Variants in ITPR2 observed in about 807,000 individuals in gnomAD.
The protein encoded by ITPR2 is inositol 1,4,5-trisphosphate receptor type 2.
In ITPR2, 207 loss-of-function variants were observed where a neutral mutation model predicts 317.1. The observed-to-expected ratio is 0.65, with a 90% CI of 0.58 to 0.73. ITPR2 has a LOEUF of 0.73. ITPR2 is among the 30% of genes least tolerant of loss of function. The pLI is 0.00. For synonymous variants in ITPR2, 1,156 were observed against 1,149.1 expected (o/e 1.01, Z -0.12); for missense variants, 2,613 against 3,284.0 (o/e 0.80, Z 4.99).
rs528266895 is a variant in ITPR2, at chr12:26,693,951, G to A, written c.996+1655C>T. 7.9e-5 allele frequency among the ~76,000 whole-genome samples: 12 copies of A among 152,256 alleles called. 1 individual carries two copies. The South Asian group carries it at 2.3e-3, about 29-fold the overall frequency. On this transcript the variant is annotated intron_variant, in intron 10 of 56. Transcript: ENST00000381340. ...ATCTTCATCCCATTACACAGGTGGG[G>A]AAACTGAGTCTCAAGAAAGCTATCT...
chr12:26,596,596 G>A (rs1473523664), intron 31 of ITPR2, among the ~76,000 whole-genome samples: 2 of 140,800 alleles, frequency 1.4e-5, no homozygotes, highest in East Asian at 2.1e-4. Context: ...GCAGTGAGTC[G>A]AAATCTTGCC....
At chr12:26,355,690 C>T (rs1162719293) in intron 55 of ITPR2, among the ~76,000 whole-genome samples, 1 of 152,206 alleles carries the variant, frequency 6.6e-6, no homozygotes, top group African/African-American at 2.4e-5. Flanking sequence ...CTTGAAATTC[C>T]TCTTTGATTC....
intron 55 of ITPR2, among the ~76,000 whole-genome samples, chr12:26,382,876 A>C (rs78492382): frequency 0.012 from 1,765 of 152,298 alleles, 27 homozygotes; most frequent in African/African-American, 0.04. Flanking sequence ...TTCATATTAA[A>C]ATGTCATCAA....
chr12:26,486,976 G>T (rs756736825), intron 40 of ITPR2, 92 bp downstream of exon 40: 1 of 1,281,562 alleles, frequency 7.8e-7, no homozygotes, highest in South Asian at 1.2e-5. Context: ...ATTAAACCAA[G>T]AGAAGAGAGA....
At chr12:26,484,982 T>C (rs1942633464) in intron 41 of ITPR2, among the ~76,000 whole-genome samples, 1 of 152,016 alleles carries the variant, frequency 6.6e-6, no homozygotes, top group Admixed American at 6.5e-5. Flanking sequence ...CCCAAAGTGC[T>C]GGGATTACAG....
At chr12:26,552,875 C>A (rs1326455785) in intron 36 of ITPR2, among the ~76,000 whole-genome samples, 1 of 152,108 alleles carries the variant, frequency 6.6e-6, no homozygotes, top group Non-Finnish European at 1.5e-5. Flanking sequence ...CTTAGATAAA[C>A]CATATTGAAA....
At chr12:26,594,193 G>A (rs1392066347) in intron 32 of ITPR2, among the ~76,000 whole-genome samples, 1 of 152,034 alleles carries the variant, frequency 6.6e-6, no homozygotes, top group Non-Finnish European at 1.5e-5. Flanking sequence ...GGCAATAAGT[G>A]GCTTTTAGCT....
intron 55 of ITPR2, among the ~76,000 whole-genome samples, chr12:26,350,472 TC>T (rs1418456245): frequency 2.0e-5 from 3 of 152,128 alleles, no homozygotes; most frequent in Non-Finnish European, 4.4e-5. Flanking sequence ...AGATGGTGGC[TC>T]TTAATTGCTT....
In ITPR2 at chr12:26,695,606, C is replaced by G. The variant is rs760400920; in HGVS notation, c.996G>C (p.Val332=). The G allele has an allele frequency of 6.2e-7, 1 of 1,611,884 alleles. No individual in the cohort carries two copies. Among genetic ancestry groups the G allele is most frequent in the South Asian group, 1.1e-5 (1 of 90,982 alleles). ...TTGGAGAAAAGCCAGTTCTACTCACCACATTTTTTCCTTCATTTTGGGCAT... is the reference window on the plus strand; with the variant it reads ...TTGGAGAAAAGCCAGTTCTACTCACGACATTTTTTCCTTCATTTTGGGCAT... ...YRDAQNEGKN[V]RDGVPPTSKK... is the part of the protein sequence containing the mutation. The change falls in exon 10 of 57, where the codon GTG becomes GTC. Residue 332 remains valine, a splice_region_variant and synonymous_variant. Coordinates refer to ENST00000381340, the MANE Select transcript of ITPR2 (RefSeq NM_002223.4).
intron 21 of ITPR2, among the ~76,000 whole-genome samples, chr12:26,639,023 G>C (rs1946922392): frequency 6.6e-6 from 1 of 152,178 alleles, no homozygotes; most frequent in Non-Finnish European, 1.5e-5. Flanking sequence ...AAAGGGTTCA[G>C]AATGAGGCGA....
At chr12:26,392,812 T>A (rs1360521422) in intron 54 of ITPR2, among the ~76,000 whole-genome samples, 1 of 152,198 alleles carries the variant, frequency 6.6e-6, no homozygotes, top group Non-Finnish European at 1.5e-5. Flanking sequence ...AGATACCCTA[T>A]CCTTAGAATA....
intron 10 of ITPR2, among the ~76,000 whole-genome samples, chr12:26,689,388 C>G (rs1240953777): frequency 6.6e-6 from 1 of 151,706 alleles, no homozygotes; most frequent in Non-Finnish European, 1.5e-5. Flanking sequence ...TGCACTCCAG[C>G]CTGGGTGACA....
chr12:26,483,347 A>C (rs942109959), intron 42 of ITPR2, among the ~76,000 whole-genome samples: 5 of 152,224 alleles, frequency 3.3e-5, no homozygotes, highest in Non-Finnish European at 7.3e-5. Flanking sequence ...TAAAAGAAAT[A>C]ACATATACTA....
intron 35 of ITPR2, among the ~76,000 whole-genome samples, 192 bp from the exon 36 acceptor site, chr12:26,556,567 TG>T (rs1212117754): frequency 0.061 from 3,612 of 58,956 alleles, 61 homozygotes; most frequent in African/African-American, 0.075. Flanking sequence ...TTTTTTTTTT[TG>T]TGTGTGTGTG....
At chr12:26,617,532 A>C (rs936972901) in intron 26 of ITPR2, among the ~76,000 whole-genome samples, 1 of 152,144 alleles carries the variant, frequency 6.6e-6, no homozygotes, top group Non-Finnish European at 1.5e-5. Context: ...GGAATATTCT[A>C]TAGCTCATTT....
At chr12:26,567,952 A>AT (rs1945021332) in intron 34 of ITPR2, among the ~76,000 whole-genome samples, 1 of 5,992 alleles carries the variant, frequency 1.7e-4, no homozygotes, top group South Asian at 5.9e-3. Flanking sequence ...TATATATATT[A>AT]TATATATATA....
chr12:26,457,297 T>C (rs1400665301), intron 45 of ITPR2, among the ~76,000 whole-genome samples: 2 of 152,210 alleles, frequency 1.3e-5, no homozygotes, highest in African/African-American at 4.8e-5. Flanking sequence ...AAGTAGGTTC[T>C]TGACTCCAAG....
intron 52 of ITPR2, among the ~76,000 whole-genome samples, chr12:26,402,828 C>T (rs1940221924): frequency 1.3e-5 from 2 of 152,166 alleles, no homozygotes; most frequent in South Asian, 4.1e-4. Flanking sequence ...CTAGTAAATG[C>T]CACCTTGTGG....
intron 11 of ITPR2, among the ~76,000 whole-genome samples, chr12:26,683,050 T>C (rs1030367510): frequency 6.6e-6 from 1 of 152,180 alleles, no homozygotes; most frequent in Non-Finnish European, 1.5e-5. Context: ...AGAACATTGA[T>C]CAAATAGCCA....
Sources: gnomAD v4.1 joint callset for allele counts (sites outside exome capture counted in the v4.1 genomes callset) on GRCh38, gnomAD v4.1.1 for gene constraint, MANE v1.5 for transcripts, NCBI Gene and HGNC (gene_info 2026-07-23, HGNC 2026-07-21) for gene names.